The following BASP1 variants were observed in gnomAD, a reference collection of about 807,000 sequenced individuals.
BASP1 encodes the protein brain acid soluble protein 1.
Under a neutral mutation model 2.2 loss-of-function variants are expected in BASP1, and 1 was observed. That is an observed-to-expected ratio of 0.46 (90% CI 0.16 to 2.17). BASP1 has a LOEUF of 2.17. BASP1 is among the 30% of genes most tolerant of loss of function. BASP1 has a pLI of 0.27. For synonymous variants in BASP1, 187 were observed against 154.2 expected, an observed-to-expected ratio of 1.21 and a Z score of -1.58; for missense variants, 352 against 327.2, an observed-to-expected ratio of 1.08 and a Z score of -0.58.
chr5:17,261,979 A>G (rs941559074), intron 1 of BASP1, among the ~76,000 whole-genome samples: 2 of 152,134 alleles, frequency 1.3e-5, no homozygotes, highest in Non-Finnish European at 1.5e-5. Flanking sequence ...CCATCACCGG[A>G]TCAATTTGCG....
chr5:17,219,293 C>T (rs941273738), intron 1 of BASP1, among the ~76,000 whole-genome samples: 2 of 152,220 alleles, frequency 1.3e-5, no homozygotes, highest in Non-Finnish European at 2.9e-5. Flanking sequence ...CCCTCCCGAG[C>T]CGAGGAACAA....
At chr5:17,250,727 C>T (rs1477065132) in intron 1 of BASP1, among the ~76,000 whole-genome samples, 2 of 152,162 alleles carry the variant, frequency 1.3e-5, no homozygotes, top group Non-Finnish European at 2.9e-5. Context: ...GCCTCAGCCT[C>T]CCAAGTAGCT....
At chr5:17,269,129 C>T (rs1448900231) in intron 1 of BASP1, among the ~76,000 whole-genome samples, 1 of 152,184 alleles carries the variant, frequency 6.6e-6, no homozygotes, top group East Asian at 1.9e-4. Flanking sequence ...CTTCACCTTA[C>T]CTTGCTGACC....
chr5:17,268,510 C>T (rs1740466755), intron 1 of BASP1, among the ~76,000 whole-genome samples: 1 of 152,028 alleles, frequency 6.6e-6, no homozygotes, highest in Non-Finnish European at 1.5e-5. Flanking sequence ...AGAGGGGATC[C>T]TATTATAGTT....
rs116807580 is a variant in BASP1 at position 17,244,063 on chromosome 5, G to A, written c.-10+26253G>A. On this transcript the variant is annotated intron_variant, in intron 1 of 1. Coordinates refer to ENST00000322611, the MANE Select transcript of BASP1 (RefSeq NM_006317.5). ...TATTTTAGGTTCTTAAATATTGGAA[G>A]ATAACTTTTAATTTGGTGAGATTCT... Among the ~76,000 whole-genome samples, 1,174 of 152,318 alleles carry A rather than the reference G, an allele frequency of 7.7e-3. 13 individuals carry two copies. The highest frequency in any genetic ancestry group is 0.041 in the Middle Eastern group (12 of 294).
At chr5:17,269,938 C>A (rs1172756532) in intron 1 of BASP1, among the ~76,000 whole-genome samples, 1 of 152,128 alleles carries the variant, frequency 6.6e-6, no homozygotes, top group South Asian at 2.1e-4. Flanking sequence ...TCTCTTGTTT[C>A]CTTGGACCAA....
intron 1 of BASP1, among the ~76,000 whole-genome samples, chr5:17,243,188 G>C (rs903529196): frequency 6.7e-6 from 1 of 150,044 alleles, no homozygotes; most frequent in Admixed American, 6.7e-5. Context: ...TCATTCTGTC[G>C]CCCAGGCTGG....
At chr5:17,234,998 G>T (rs1410922460) in intron 1 of BASP1, among the ~76,000 whole-genome samples, 1 of 152,188 alleles carries the variant, frequency 6.6e-6, no homozygotes, top group Non-Finnish European at 1.5e-5. Context: ...ATAGAAAAGA[G>T]ATTTACACAT....
chr5:17,255,881 T>A (rs1740200825), intron 1 of BASP1, among the ~76,000 whole-genome samples: 1 of 152,202 alleles, frequency 6.6e-6, no homozygotes, highest in Non-Finnish European at 1.5e-5. Flanking sequence ...GTCACCAGTA[T>A]ATTTCATTTA....
At chr5:17,223,304 C>A (rs546189818) in intron 1 of BASP1, among the ~76,000 whole-genome samples, 26 of 152,282 alleles carry the variant, frequency 1.7e-4, no homozygotes, top group African/African-American at 6.0e-4. Context: ...AATTGTGATA[C>A]ATGGTTACTG....
intron 1 of BASP1, among the ~76,000 whole-genome samples, chr5:17,262,403 A>G (rs1039327895): frequency 2.0e-5 from 3 of 152,188 alleles, no homozygotes; most frequent in African/African-American, 7.2e-5. Context: ...GAGTGCCTGC[A>G]TTCACCTCAC....
chr5:17,241,667 G>A (rs567789782), intron 1 of BASP1, among the ~76,000 whole-genome samples: 2 of 152,264 alleles, frequency 1.3e-5, no homozygotes, highest in African/African-American at 2.4e-5. Context: ...GGGAGTGAAC[G>A]AGGCCCTGAA....
chr5:17,273,052 C>A lies in BASP1; in HGVS notation c.-9-2156C>A, dbSNP rs1740561576. On this transcript the variant is annotated intron_variant, in intron 1 of 1. Coordinates refer to ENST00000322611, the MANE Select transcript of BASP1 (RefSeq NM_006317.5). ...TCTATTACTGGATTGAGAGAAGATCCTAAAGGCAGACCTGTTAGGTTTCCT... is the reference window on the plus strand; with the variant it reads ...TCTATTACTGGATTGAGAGAAGATCATAAAGGCAGACCTGTTAGGTTTCCT... Among the ~76,000 whole-genome samples, 3 of 152,188 alleles carry A rather than the reference C, an allele frequency of 2.0e-5. No individual in the cohort carries two copies. In the South Asian group the frequency reaches 6.2e-4, roughly 32 times the overall value.
chr5:17,256,712 T>G (rs1055140628), intron 1 of BASP1, among the ~76,000 whole-genome samples: 9 of 152,148 alleles, frequency 5.9e-5, no homozygotes, highest in Non-Finnish European at 2.9e-5. Context: ...AAAAATCAAG[T>G]ACAATGAATG....
intron 1 of BASP1, among the ~76,000 whole-genome samples, chr5:17,235,240 C>T (rs1184268841): frequency 6.6e-6 from 1 of 150,958 alleles, no homozygotes; most frequent in African/African-American, 2.4e-5. Context: ...ATTGCTGTTG[C>T]TCCCGTCTGC....
At position 17,251,042 on chromosome 5, in the gene BASP1, T is replaced by C. The variant is rs1024146834; in HGVS notation, c.-9-24166T>C. Among the ~76,000 whole-genome samples the C allele has an allele frequency of 1.3e-5, 2 of 152,252 alleles. No individual in the cohort carries two copies. The highest frequency in any genetic ancestry group is 4.8e-5 in the African/African-American group (2 of 41,466). ...CGTGAGAGAAAAGGTTAACTCTTCATATGTTAAATTCCAGAAATGGGTTCT... is the reference window on the plus strand; with the variant it reads ...CGTGAGAGAAAAGGTTAACTCTTCACATGTTAAATTCCAGAAATGGGTTCT... On this transcript the variant is annotated intron_variant, in intron 1 of 1. Coordinates refer to ENST00000322611, the MANE Select transcript of BASP1 (RefSeq NM_006317.5). The surrounding 1 kb of genome is among the most constrained non-coding windows in gnomAD (Gnocchi z 4.0).
intron 1 of BASP1, among the ~76,000 whole-genome samples, chr5:17,271,402 G>A (rs1740525979): frequency 6.6e-6 from 1 of 152,190 alleles, no homozygotes; most frequent in Non-Finnish European, 1.5e-5. Context: ...GATTACAGGT[G>A]TGAGCCACCA....
intron 1 of BASP1, among the ~76,000 whole-genome samples, chr5:17,259,958 T>C (rs1177115794): frequency 6.6e-6 from 1 of 152,246 alleles, no homozygotes; most frequent in Admixed American, 6.5e-5. Context: ...AGTTTCCTGG[T>C]CTATGGAAGA....
In BASP1 at chr5:17,267,807, G is replaced by A. The variant is rs1386600045; in HGVS notation, c.-9-7401G>A. On this transcript the variant is annotated intron_variant, in intron 1 of 1. Transcript: ENST00000322611. ...GCTGGGATTACAGGCGTGAGCCACC[G>A]CTCCCAGCCCTTTTTTTTTTTTTTT... Among the ~76,000 whole-genome samples, 21 of 104,256 alleles carry A rather than the reference G, an allele frequency of 2.0e-4. 1 individual carries two copies. Among genetic ancestry groups the A allele is most frequent in the Non-Finnish European group, 3.6e-5 (2 of 56,022 alleles). The allele number at this position is 104,256 out of a possible 152,430, so 68.4% of individuals were successfully genotyped here.
Sources: gnomAD v4.1 joint callset for allele counts (sites outside exome capture counted in the v4.1 genomes callset) on GRCh38, gnomAD v4.1.1 for gene constraint, Gnocchi (gnomAD v3.1) non-coding constraint, MANE v1.5 for transcripts, NCBI Gene and HGNC (gene_info 2026-07-23, HGNC 2026-07-21) for gene names.